Variants in MALRD1 observed in about 807,000 individuals in gnomAD.
MALRD1 encodes the protein MAM and LDL-receptor class A domain-containing protein 1.
In MALRD1, 247 loss-of-function variants were observed where a neutral mutation model predicts 242.1. The observed-to-expected ratio is 1.02, with a 90% confidence interval of 0.92 to 1.13. MALRD1 has a LOEUF of 1.13. Ranked by LOEUF, MALRD1 falls within the 50% of genes most tolerant of loss-of-function variation. The pLI is 0.00. For missense variants in MALRD1, 2,989 were observed against 2,533.1 expected (o/e 1.18, Z -3.86); for synonymous variants, 995 against 866.6 (o/e 1.15, Z -2.60).
rs551157867 is a variant in MALRD1 at position 19,528,895 on chromosome 10, T to C, written c.5321-2299T>C. On this transcript the variant is annotated intron_variant, in intron 31 of 39. Transcript: ENST00000454679. ...CAGCCAGCCAGACAGACACAGAGTA[T>C]CGTAACTTACCTGGGCAAGTAGCCC... Among the ~76,000 whole-genome samples the C allele has an allele frequency of 7.2e-5, 11 of 152,224 alleles. No individual in the cohort carries two copies. The South Asian group carries it at 1.9e-3, about 26-fold the overall frequency.
intron 36 of MALRD1, among the ~76,000 whole-genome samples, chr10:19,684,956 G>C (rs1842518917): frequency 6.6e-6 from 1 of 152,126 alleles, no homozygotes; most frequent in Non-Finnish European, 1.5e-5. Context: ...TAGTAAATCT[G>C]CAGGTTAGTG....
chr10:19,350,205 A>G (rs1844311330), intron 25 of MALRD1, among the ~76,000 whole-genome samples: 1 of 151,562 alleles, frequency 6.6e-6, no homozygotes, highest in Non-Finnish European at 1.5e-5. Context: ...GGGTTGGTAT[A>G]TAGGAAGGAT....
intron 38 of MALRD1, among the ~76,000 whole-genome samples, chr10:19,729,655 A>G (rs1331644189): frequency 2.6e-5 from 3 of 116,496 alleles, no homozygotes; most frequent in South Asian, 5.1e-4. Flanking sequence ...TACGATGGAC[A>G]TTTTTTCTTC....
At chr10:19,531,139 C>A in intron 31 of MALRD1, 55 bp from the exon 32 acceptor site, 1 of 1,401,960 alleles carries the variant, frequency 7.1e-7, no homozygotes. Context: ...AAACACATTC[C>A]GACTCATGCG....
rs1833215339 is a variant in MALRD1 at position 19,133,853 on chromosome 10, A to G, written c.1111-3A>G. On this transcript the variant is annotated splice_region_variant and splice_polypyrimidine_tract_variant and intron_variant, in intron 8 of 39. Coordinates refer to ENST00000454679, the MANE Select transcript of MALRD1 (RefSeq NM_001142308.3). ...GAGTGATGTCTTTCTCTTCAAATCA[A>G]AGGAAGAAGAAATATTTTGGACATA... 2.5e-6 allele frequency: 3 copies of G among 1,220,438 alleles called. No individual in the cohort carries two copies. The highest frequency in any genetic ancestry group is 4.2e-5 in the Admixed American group (1 of 23,692). The allele number at this position is 1,220,438 out of a possible 1,614,324, so 75.6% of individuals were successfully genotyped here. A position where few individuals can be genotyped will look rare whatever the true frequency, so the allele number is the denominator to read the frequency against.
At chr10:19,512,997 A>T (rs1833470329) in intron 31 of MALRD1, among the ~76,000 whole-genome samples, 1 of 152,158 alleles carries the variant, frequency 6.6e-6, no homozygotes, top group Non-Finnish European at 1.5e-5. Flanking sequence ...TTGTTTCTTC[A>T]TTTCAGGTGT....
intron 36 of MALRD1, among the ~76,000 whole-genome samples, chr10:19,620,608 T>C (rs1180798381): frequency 1.3e-5 from 2 of 151,910 alleles, no homozygotes; most frequent in African/African-American, 4.8e-5. Context: ...ACTATGAAAT[T>C]TTTCAAAAAC....
rs1200868918 is a variant in MALRD1 at position 19,390,580 on chromosome 10, G to A, written c.4845+971G>A. Among the ~76,000 whole-genome samples, 6 of 152,236 alleles carry A rather than the reference G, an allele frequency of 3.9e-5. 1 individual carries two copies. The South Asian group carries it at 6.2e-4, about 16-fold the overall frequency. On this transcript the variant is annotated intron_variant, in intron 28 of 39. Transcript: ENST00000454679. ...ACAGTAGCCGAAAGGAGATGTATAT[G>A]TGCACGTGCAGGTATGTGTGTATTT...
chr10:19,651,492 GAAA>G (rs1840888994), intron 36 of MALRD1, among the ~76,000 whole-genome samples: 1 of 152,084 alleles, frequency 6.6e-6, no homozygotes, highest in Non-Finnish European at 1.5e-5. Context: ...AGCATAACGT[GAAA>G]AAGCAGACTA....
Position 19,352,259 on chromosome 10 carries a change from A to T in MALRD1, c.4403A>T (p.Asp1468Val). Residue 1468 changes from aspartate to valine, a missense_variant, in exon 26 of 40, where the codon GAT (aspartate) becomes GTT (valine). Coordinates refer to ENST00000454679, the MANE Select transcript of MALRD1 (RefSeq NM_001142308.3). ...VLTENCLSLHDSVQEELAVPL... is the reference protein window; with the variant it reads ...VLTENCLSLHVSVQEELAVPL... ...ACAGAAAATTGTCTATCACTCCATG[A>T]TTCCGTGCAAGAAGAACTGGCAGTG... 1 of 1,550,332 alleles carries T rather than the reference A, an allele frequency of 6.5e-7. No homozygotes were observed. The highest frequency in any genetic ancestry group is 8.7e-7 in the Non-Finnish European group (1 of 1,146,842).
At chr10:19,590,996 T>G (rs1295745437) in intron 33 of MALRD1, among the ~76,000 whole-genome samples, 1 of 152,222 alleles carries the variant, frequency 6.6e-6, no homozygotes, top group Non-Finnish European at 1.5e-5. Flanking sequence ...ACCATTATAA[T>G]ATGACACATA....
chr10:19,322,208 A>T (rs1842937133), intron 21 of MALRD1, among the ~76,000 whole-genome samples: 1 of 152,074 alleles, frequency 6.6e-6, no homozygotes. Context: ...TGTTGCCTCT[A>T]TGTATCTGGA....
intron 26 of MALRD1, among the ~76,000 whole-genome samples, chr10:19,360,683 T>A (rs1844854008): frequency 6.6e-6 from 1 of 152,128 alleles, no homozygotes; most frequent in South Asian, 2.1e-4. Context: ...TGCTTTTGAA[T>A]ATAACAACAC....
chr10:19,530,095 T>A (rs1386910599), intron 31 of MALRD1, among the ~76,000 whole-genome samples: 1 of 151,436 alleles, frequency 6.6e-6, no homozygotes, highest in Non-Finnish European at 1.5e-5. Flanking sequence ...CAAAACAATA[T>A]TTAATTAATA....
At chr10:19,352,944 A>G (rs1476390584) in intron 26 of MALRD1, among the ~76,000 whole-genome samples, 4 of 152,162 alleles carry the variant, frequency 2.6e-5, no homozygotes, top group Non-Finnish European at 5.9e-5. Context: ...TGCAATAAAT[A>G]TTATTAACGA....
chr10:19,310,764 G>A (rs189979041), intron 21 of MALRD1, among the ~76,000 whole-genome samples: 6 of 151,398 alleles, frequency 4.0e-5, no homozygotes, highest in South Asian at 2.1e-4. Flanking sequence ...AAACGATCTC[G>A]TAATCATCTT....
At chr10:19,686,223 G>A (rs1842577096) in intron 36 of MALRD1, among the ~76,000 whole-genome samples, 1 of 152,132 alleles carries the variant, frequency 6.6e-6, no homozygotes. Context: ...AAACTTGAGC[G>A]ATCAAGAGCA....
At chr10:19,104,118 G>T in intron 5 of MALRD1, 43 bp downstream of exon 5, 1 of 1,052,986 alleles carries the variant, frequency 9.5e-7, no homozygotes, top group Non-Finnish European at 1.2e-6. Context: ...TGTGTTTAAA[G>T]ATTTCAGTGC....
chr10:19,508,519 A>G (rs555962493), intron 31 of MALRD1, among the ~76,000 whole-genome samples: 1 of 152,306 alleles, frequency 6.6e-6, no homozygotes, highest in East Asian at 1.9e-4. Flanking sequence ...ATACTGTCCA[A>G]TGTGTTAGCA....
Sources: allele counts gnomAD v4.1 joint callset (sites outside exome capture counted in the v4.1 genomes callset), GRCh38; gene constraint gnomAD v4.1.1; transcripts MANE v1.5; gene names NCBI Gene and HGNC (gene_info 2026-07-23, HGNC 2026-07-21).